SOX6: variants seen among roughly 807,000 people sequenced by gnomAD.
SOX6 encodes the protein transcription factor SOX-6.
Under a neutral mutation model 97.8 loss-of-function variants are expected in SOX6, and 11 were observed. That is an observed-to-expected ratio of 0.11 (90% CI 0.07 to 0.19). The LOEUF is 0.19. Ranked by LOEUF, SOX6 falls within the 10% of genes least tolerant of loss-of-function variation. The probability of loss-of-function intolerance (pLI) is 1.00; values close to 1 mark genes in which losing one functional copy is unlikely to be tolerated. For missense variants in SOX6, 810 were observed against 1,039.5 expected (o/e 0.78, Z 3.04); for synonymous variants, 360 against 371.4 (o/e 0.97, Z 0.35).
intron 3 of SOX6, chr11:16,317,410 C>T (rs993997567): frequency 8.6e-5 from 13 of 151,812 alleles, no homozygotes; most frequent in African/African-American, 2.9e-4. Context: ...TTTTGTGGCT[C>T]GAGTAGATTG....
chr11:16,584,619 T>C (rs1848072574), intron 4 of SOX6, among the ~76,000 whole-genome samples: 1 of 152,144 alleles, frequency 6.6e-6, no homozygotes, highest in Non-Finnish European at 1.5e-5. Flanking sequence ...CAAACCTGGG[T>C]TCAACTCCTA....
Position 16,607,476 on chromosome 11 carries a change from C to CA in SOX6, n.609+4604dup, listed in dbSNP as rs1419773625. On this transcript the variant is annotated intron_variant and non_coding_transcript_variant, in intron 4 of 5. Coordinates refer to the SOX6 transcript ENST00000524520. This position sits in a 1 kb window ranked among gnomAD's most constrained non-coding sequence, Gnocchi z 6.5. Reference sequence around the variant, plus strand: ...AAAGGAAGGGGAGTCGGTGCTAGGTCAATTGTCACAGTCCGGGGAGCAAGG... The same window carrying CA: ...AAAGGAAGGGGAGTCGGTGCTAGGTCAAATTGTCACAGTCCGGGGAGCAAGG... The CA allele has an allele frequency of 6.6e-6, 1 of 152,408 alleles. No homozygotes were observed. Among genetic ancestry groups the CA allele is most frequent in the African/African-American group, 2.4e-5 (1 of 41,468 alleles). 9.4% of individuals were successfully genotyped at this position (152,408 alleles called of 1,614,324 possible). A position where few individuals can be genotyped will look rare whatever the true frequency, so the allele number is the denominator to read the frequency against.
At chr11:16,334,361 G>A (rs1856396969) in intron 2 of SOX6, among the ~76,000 whole-genome samples, 1 of 151,788 alleles carries the variant, frequency 6.6e-6, no homozygotes, top group African/African-American at 2.4e-5. Context: ...GTGTTAATCA[G>A]CATGCATACC....
At chr11:15,979,057 A>ATATATATATATATATATG (rs1853587989) in intron 15 of SOX6, among the ~76,000 whole-genome samples, 1 of 140,124 alleles carries the variant, frequency 7.1e-6, no homozygotes, top group African/African-American at 2.6e-5. Flanking sequence ...ATATATATAT[A>ATATATATATATATATATG]TATATATAAA....
Position 16,029,366 on chromosome 11 carries a change from G to A in SOX6, c.1624-14316C>T, listed in dbSNP as rs553941307. ...AGATTGTCTAATGAGGGCCGGGCGTGGTGGCTCATGCCTGTAATTCCAGCA... is the reference window on the plus strand; with the variant it reads ...AGATTGTCTAATGAGGGCCGGGCGTAGTGGCTCATGCCTGTAATTCCAGCA... On this transcript the variant is annotated intron_variant, in intron 12 of 15. Coordinates refer to ENST00000683767, the MANE Select transcript of SOX6 (RefSeq NM_001367873.1). 1.3e-3 allele frequency among the ~76,000 whole-genome samples: 202 copies of A among 152,278 alleles called. 2 individuals are homozygous for A. Among genetic ancestry groups the A allele is most frequent in the African/African-American group, 4.7e-3 (197 of 41,544 alleles).
intron 3 of SOX6, among the ~76,000 whole-genome samples, chr11:16,285,343 A>G (rs1181000037): frequency 1.3e-5 from 2 of 151,980 alleles, no homozygotes; most frequent in Non-Finnish European, 2.9e-5. Flanking sequence ...GACCAGCCTG[A>G]TCAACATGAA....
chr11:16,450,901 A>G (rs1477530209), intron 1 of SOX6, among the ~76,000 whole-genome samples: 1 of 152,146 alleles, frequency 6.6e-6, no homozygotes, highest in African/African-American at 2.4e-5. Context: ...GAACACATGG[A>G]CTTTTCAGTA....
At chr11:16,506,070 A>C (rs931758081) in intron 4 of SOX6, among the ~76,000 whole-genome samples, 4 of 152,160 alleles carry the variant, frequency 2.6e-5, no homozygotes, top group Non-Finnish European at 4.4e-5. Flanking sequence ...GGCCTAGTAG[A>C]GATGTGAGAA....
chr11:16,371,155 C>T (rs1857485233), intron 1 of SOX6, among the ~76,000 whole-genome samples: 1 of 152,010 alleles, frequency 6.6e-6, no homozygotes, highest in Admixed American at 6.6e-5. Context: ...CCCCCCTTCA[C>T]TCATTTGTCT....
At chr11:16,205,027 C>T (rs1852036774) in intron 4 of SOX6, among the ~76,000 whole-genome samples, 1 of 152,046 alleles carries the variant, frequency 6.6e-6, no homozygotes, top group African/African-American at 2.4e-5. Flanking sequence ...TTATCATTTT[C>T]CTCAGTTCAC....
intron 4 of SOX6, among the ~76,000 whole-genome samples, chr11:16,200,554 C>G (rs1851906862): frequency 6.6e-6 from 1 of 152,104 alleles, no homozygotes; most frequent in Admixed American, 6.5e-5. Context: ...TATAGAATAT[C>G]TCTTAATCTC....
intron 3 of SOX6, among the ~76,000 whole-genome samples, chr11:16,648,724 ACCACCC>A (rs1176639701): frequency 6.6e-6 from 1 of 152,210 alleles, no homozygotes; most frequent in Non-Finnish European, 1.5e-5. Context: ...AGGGTTCTAT[ACCACCC>A]CCAAAAGATC....
At chr11:16,444,839 C>T (rs915136970) in intron 1 of SOX6, among the ~76,000 whole-genome samples, 2 of 152,224 alleles carry the variant, frequency 1.3e-5, no homozygotes, top group East Asian at 1.9e-4. Flanking sequence ...TTAAGAGTGA[C>T]GAAGAGTGAG....
chr11:16,241,028 CAA>C (rs1853180310), intron 3 of SOX6, among the ~76,000 whole-genome samples: 1 of 151,964 alleles, frequency 6.6e-6, no homozygotes, highest in Admixed American at 6.6e-5. Context: ...GAGAGGGGTG[CAA>C]AAAATCCTGC....
rs996000892 is a variant in SOX6, at chr11:16,458,352, A to G, written c.-5+17963T>C. Among the ~76,000 whole-genome samples, 55 of 152,080 alleles carry G rather than the reference A, an allele frequency of 3.6e-4. 1 individual carries two copies. The highest frequency in any genetic ancestry group is 6.6e-5 in the Admixed American group (1 of 15,248). ...AAATATTTGTAACATAGATTTGTAA[A>G]TGTTGCAATAAAAGTATGCTAACCC... is the stretch of plus-strand genomic sequence containing the variant. On this transcript the variant is annotated intron_variant, in intron 1 of 15. Transcript: ENST00000396356.
chr11:16,470,959 G>A (rs1056519409), intron 1 of SOX6, among the ~76,000 whole-genome samples: 4 of 151,790 alleles, frequency 2.6e-5, no homozygotes, highest in African/African-American at 9.7e-5. Flanking sequence ...AGAAACATCA[G>A]GAAAAAGATT....
intron 9 of SOX6, among the ~76,000 whole-genome samples, chr11:16,089,692 G>T (rs1232625039): frequency 6.6e-6 from 1 of 152,036 alleles, no homozygotes; most frequent in Non-Finnish European, 1.5e-5. Flanking sequence ...ATAGCTATGT[G>T]CCAGCTCTAG....
intron 6 of SOX6, among the ~76,000 whole-genome samples, chr11:16,154,432 A>T (rs1310743928): frequency 3.9e-5 from 6 of 152,086 alleles, no homozygotes; most frequent in Non-Finnish European, 7.4e-5. Flanking sequence ...TATTCTTTTT[A>T]CCATATTAAA....
chr11:16,647,572 G>T (rs1239532432), intron 3 of SOX6, among the ~76,000 whole-genome samples: 1 of 152,100 alleles, frequency 6.6e-6, no homozygotes, highest in Non-Finnish European at 1.5e-5. Flanking sequence ...CTGATCTTTT[G>T]CTCCAAGAAC....
Sources: gnomAD v4.1 joint callset for allele counts (sites outside exome capture counted in the v4.1 genomes callset) on GRCh38, gnomAD v4.1.1 for gene constraint, Gnocchi (gnomAD v3.1) non-coding constraint, MANE v1.5 for transcripts, NCBI Gene and HGNC (gene_info 2026-07-23, HGNC 2026-07-21) for gene names.